NXPE2: variants seen among roughly 807,000 people sequenced by gnomAD.
NXPE2 encodes the protein NXPE family member 2.
Under a neutral mutation model 34.4 loss-of-function variants are expected in NXPE2, and 34 were observed. The observed-to-expected ratio is 0.99, with a 90% CI of 0.75 to 1.31. The LOEUF is 1.31. Ranked by LOEUF, NXPE2 falls within the 40% of genes most tolerant of loss-of-function variation. The pLI is 0.00. For missense variants in NXPE2, 649 were observed against 672.5 expected (o/e 0.97, Z 0.39); for synonymous variants, 235 against 231.3 (o/e 1.02, Z -0.15).
At chr11:114,750,855 C>T in the NXPE2 span, among the ~76,000 whole-genome samples, 1 of 152,168 alleles carries the variant, frequency 6.6e-6, no homozygotes, top group Admixed American at 6.5e-5. Flanking sequence ...TCCCAACTTT[C>T]GGTATGGAAG....
chr11:114,475,414 T>C, the NXPE2 span, among the ~76,000 whole-genome samples: 1 of 151,902 alleles, frequency 6.6e-6, no homozygotes, highest in Non-Finnish European at 1.5e-5. Context: ...CACCTAATTT[T>C]TGTATTTTTA....
the NXPE2 span, among the ~76,000 whole-genome samples, chr11:114,612,357 C>T: frequency 6.6e-6 from 1 of 152,034 alleles, no homozygotes; most frequent in African/African-American, 2.4e-5. Context: ...TCGTGGGTAA[C>T]CACAGTTACC....
At chr11:114,679,901 G>C (rs1473328010) in intron 2 of NXPE2, 139 bp downstream of exon 2, 29 of 559,440 alleles carry the variant, frequency 5.2e-5, no homozygotes, top group Non-Finnish European at 6.7e-5. Context: ...TCACTGTTCA[G>C]CATAAATCCC....
the NXPE2 span, among the ~76,000 whole-genome samples, chr11:114,615,561 G>A: frequency 2.6e-5 from 4 of 151,222 alleles, no homozygotes; most frequent in Admixed American, 6.6e-5. Flanking sequence ...GTGTTGCTTC[G>A]TGGGTAACCA....
the NXPE2 span, among the ~76,000 whole-genome samples, chr11:114,766,914 A>T: frequency 1.3e-5 from 2 of 152,144 alleles, no homozygotes; most frequent in East Asian, 3.9e-4. Context: ...TTTCTCCAAG[A>T]TCTAATGAAA....
the NXPE2 span, among the ~76,000 whole-genome samples, chr11:114,720,883 A>T: frequency 6.6e-6 from 1 of 152,144 alleles, no homozygotes; most frequent in South Asian, 2.1e-4. Context: ...GTTTAGGAGG[A>T]TCTGATAAAG....
chr11:114,755,547 A>G, the NXPE2 span, among the ~76,000 whole-genome samples: 1 of 152,220 alleles, frequency 6.6e-6, no homozygotes, highest in South Asian at 2.1e-4. Context: ...ATAGCTGGGA[A>G]AACCACACAC....
the NXPE2 span, among the ~76,000 whole-genome samples, chr11:114,497,281 T>G: frequency 6.6e-6 from 1 of 152,190 alleles, no homozygotes; most frequent in African/African-American, 2.4e-5. Context: ...GAAGAAAGCT[T>G]ATAAAGATAT....
chr11:114,708,410 G>GAT (rs1951506114), downstream of NXPE2, among the ~76,000 whole-genome samples: 1 of 152,014 alleles, frequency 6.6e-6, no homozygotes, highest in African/African-American at 2.4e-5. Flanking sequence ...TCATTAGAAA[G>GAT]ATATACACCC....
chr11:114,640,083 A>T, the NXPE2 span, among the ~76,000 whole-genome samples: 6 of 117,152 alleles, frequency 5.1e-5, no homozygotes, highest in Non-Finnish European at 9.8e-5. Context: ...TATATAATAT[A>T]ATGTAATATA....
chr11:114,472,861 G>A, the NXPE2 span, among the ~76,000 whole-genome samples: 4 of 152,088 alleles, frequency 2.6e-5, no homozygotes, highest in Non-Finnish European at 4.4e-5. Flanking sequence ...TATCATAACC[G>A]GCTTTCCTTG....
At chr11:114,506,147 A>G in the NXPE2 span, among the ~76,000 whole-genome samples, 14 of 151,888 alleles carry the variant, frequency 9.2e-5, no homozygotes, top group African/African-American at 2.4e-5. Flanking sequence ...AAAAAGTTCA[A>G]ATGGTAAAGA....
the NXPE2 span, among the ~76,000 whole-genome samples, chr11:114,627,741 C>T: frequency 2.0e-3 from 306 of 152,234 alleles, 1 homozygote; most frequent in African/African-American, 7.1e-3. Context: ...GTTAAAGAGT[C>T]AAGACCCATC....
At chr11:114,676,147 T>C (rs1345778120), upstream of NXPE2, among the ~76,000 whole-genome samples, 2 of 151,904 alleles carry the variant, frequency 1.3e-5, no homozygotes, top group African/African-American at 4.8e-5. Context: ...ACTGTAAAAC[T>C]GCTAGAAGAA....
At chr11:114,483,008 AC>A in the NXPE2 span, among the ~76,000 whole-genome samples, 184 of 152,280 alleles carry the variant, frequency 1.2e-3, no homozygotes, top group African/African-American at 4.0e-3. Flanking sequence ...TTTGTCATTC[AC>A]AAAGTTTCTA....
At chr11:114,675,135 TAGA>T (rs1565377593), upstream of NXPE2, among the ~76,000 whole-genome samples, 1 of 151,644 alleles carries the variant, frequency 6.6e-6, no homozygotes, top group Admixed American at 6.6e-5. Context: ...AAATTGAGTA[TAGA>T]AGGATTATTA....
At chr11:114,640,128 A>T in the NXPE2 span, among the ~76,000 whole-genome samples, 972 of 120,334 alleles carry the variant, frequency 8.1e-3, 13 homozygotes, top group African/African-American at 0.03. Flanking sequence ...GTTATATGTA[A>T]TATATTATAT....
chr11:114,547,046 C>T, the NXPE2 span, among the ~76,000 whole-genome samples: 3 of 152,110 alleles, frequency 2.0e-5, no homozygotes, highest in Non-Finnish European at 4.4e-5. Flanking sequence ...TGCAGATTCT[C>T]CCCACTCAAG....
chr11:114,702,586 A>G (rs570316498), intron 3 of NXPE2, among the ~76,000 whole-genome samples: 50 of 152,334 alleles, frequency 3.3e-4, no homozygotes, highest in Middle Eastern at 6.8e-3. Context: ...TATACCATTT[A>G]TCCTCAGTAA....
Sources: allele counts gnomAD v4.1 joint callset (sites outside exome capture counted in the v4.1 genomes callset), GRCh38; gene constraint gnomAD v4.1.1; transcripts MANE v1.5; gene names NCBI Gene and HGNC (gene_info 2026-07-23, HGNC 2026-07-21).